Variants in TMX4 observed in about 807,000 individuals in gnomAD.
The protein encoded by TMX4 is thioredoxin related transmembrane protein 4.
Under a neutral mutation model 33.3 loss-of-function variants are expected in TMX4, and 23 were observed. The observed-to-expected ratio is 0.69, with a 90% confidence interval of 0.50 to 0.98. TMX4 has a LOEUF of 0.98. Among genes scored for constraint, TMX4 ranks in the 50% least tolerant of loss-of-function variants. The pLI, the probability that TMX4 is intolerant of heterozygous loss-of-function variation, is 0.00. For synonymous variants in TMX4, 164 were observed against 161.5 expected (o/e 1.02, Z -0.12); for missense variants, 399 against 448.9 (o/e 0.89, Z 1.01).
intron 5 of TMX4, among the ~76,000 whole-genome samples, chr20:7,988,834 C>A (rs2050641428): frequency 6.6e-6 from 1 of 152,062 alleles, no homozygotes; most frequent in African/African-American, 2.4e-5. Context: ...ACCAGCCTGA[C>A]CAACATGGTG....
At chr20:7,999,516 A>C (rs2050693499) in intron 4 of TMX4, among the ~76,000 whole-genome samples, 1 of 152,186 alleles carries the variant, frequency 6.6e-6, no homozygotes, top group Non-Finnish European at 1.5e-5. Context: ...TAACCCACTC[A>C]AATCTGGCTA....
intron 6 of TMX4, among the ~76,000 whole-genome samples, chr20:7,985,367 G>A (rs369954398): frequency 3.3e-5 from 5 of 150,746 alleles, no homozygotes; most frequent in Admixed American, 1.3e-4. Flanking sequence ...TCGAACTCCT[G>A]GGCTCAAGTG....
chr20:8,010,657 C>T (rs1363317757), intron 1 of TMX4, among the ~76,000 whole-genome samples: 1 of 152,086 alleles, frequency 6.6e-6, no homozygotes, highest in Non-Finnish European at 1.5e-5. Flanking sequence ...TAGTGCCCCA[C>T]TAAAGGAGAA....
rs369003323 is a variant in TMX4, at chr20:7,999,892, T to C, written c.339-32A>G. The C allele has an allele frequency of 2.5e-5, 39 of 1,591,822 alleles. No homozygotes were observed. In the African/African-American group the frequency reaches 4.8e-4, roughly 20 times the overall value. ...ATTATGAAAACAAGTAGAAAGCAAATGCATTAAAATAACGATGTTACAGAT... is the reference window on the plus strand; with the variant it reads ...ATTATGAAAACAAGTAGAAAGCAAACGCATTAAAATAACGATGTTACAGAT... On this transcript the variant is annotated intron_variant, in intron 3 of 7. Coordinates refer to ENST00000246024, the MANE Select transcript of TMX4 (RefSeq NM_021156.4).
intron 1 of TMX4, chr20:8,013,623 G>C (rs2050761621): frequency 6.6e-6 from 1 of 152,120 alleles, no homozygotes; most frequent in South Asian, 2.1e-4. Flanking sequence ...GATGGAACGA[G>C]GTTGAAGGAC....
At chr20:7,984,220 C>T (rs2050620934) in intron 6 of TMX4, among the ~76,000 whole-genome samples, 2 of 152,220 alleles carry the variant, frequency 1.3e-5, no homozygotes, top group Admixed American at 6.5e-5. Context: ...CGGGTAACCC[C>T]TGATTGAATG....
chr20:8,018,461 AG>A (rs1568541202), intron 1 of TMX4, among the ~76,000 whole-genome samples: 1 of 17,074 alleles, frequency 5.9e-5, no homozygotes, highest in African/African-American at 4.1e-4. Context: ...GGAGGGAGGG[AG>A]GGAGGGAGGG....
At chr20:8,008,773 G>T (rs1454226087) in intron 2 of TMX4, among the ~76,000 whole-genome samples, 1 of 152,164 alleles carries the variant, frequency 6.6e-6, no homozygotes, top group Non-Finnish European at 1.5e-5. Flanking sequence ...AAATGCATCT[G>T]CAATGATTTA....
chr20:7,998,702 C>T (rs982922218), intron 4 of TMX4, among the ~76,000 whole-genome samples: 4 of 152,182 alleles, frequency 2.6e-5, no homozygotes, highest in African/African-American at 9.7e-5. Context: ...CAAACTGGGG[C>T]TTATGCATAT....
intron 6 of TMX4, 78 bp from the exon 7 acceptor site, chr20:7,983,935 C>T: frequency 9.7e-7 from 1 of 1,035,774 alleles, no homozygotes; most frequent in Non-Finnish European, 1.5e-6. Context: ...GGCCTTGCTT[C>T]TATAATCAGA....
At chr20:8,012,317 G>A (rs774728199) in intron 1 of TMX4, among the ~76,000 whole-genome samples, 3 of 152,074 alleles carry the variant, frequency 2.0e-5, no homozygotes, top group Non-Finnish European at 2.9e-5. Flanking sequence ...GATGAAATAC[G>A]AAGCAGGCAC....
At chr20:8,005,868 C>A (rs1490630624) in intron 2 of TMX4, among the ~76,000 whole-genome samples, 1 of 152,158 alleles carries the variant, frequency 6.6e-6, no homozygotes, top group African/African-American at 2.4e-5. Context: ...CCACTCCATC[C>A]CCGTTCTGGC....
chr20:8,001,083 T>G (rs2122868354), intron 3 of TMX4, among the ~76,000 whole-genome samples: 1 of 152,280 alleles, frequency 6.6e-6, no homozygotes, highest in East Asian at 1.9e-4. Flanking sequence ...GCCTCATCAC[T>G]CAGCATGATC....
chr20:8,000,194 AT>A (rs1347553263), intron 3 of TMX4, among the ~76,000 whole-genome samples: 1 of 152,166 alleles, frequency 6.6e-6, no homozygotes, highest in Non-Finnish European at 1.5e-5. Flanking sequence ...AGCCATTGTT[AT>A]CAAGTTTAAA....
chr20:8,001,531 G>T lies in TMX4; in HGVS notation c.303C>A (p.Gly101=). 3 of 1,600,224 alleles carry T rather than the reference G, an allele frequency of 1.9e-6. No homozygotes were observed. The highest frequency in any genetic ancestry group is 2.6e-6 in the Non-Finnish European group (3 of 1,171,626). Reference sequence around the variant, plus strand: ...CTGGGAGAGTGGTGACAAAGAAGCGGCCACTCAAACCTACAAGAAGCATAA... The same window carrying T: ...CTGGGAGAGTGGTGACAAAGAAGCGTCCACTCAAACCTACAAGAAGCATAA... ...VDVIQEPGLS[G]RFFVTTLPAF... The change falls in exon 3 of 8, where the codon GGC becomes GGA. Residue 101 remains glycine (G), a synonymous_variant. Transcript: ENST00000246024.
At chr20:8,012,729 CTAGAT>C (rs1331307882) in intron 1 of TMX4, among the ~76,000 whole-genome samples, 1 of 152,162 alleles carries the variant, frequency 6.6e-6, no homozygotes, top group Non-Finnish European at 1.5e-5. Flanking sequence ...GACTTAATCT[CTAGAT>C]AGGCTATTAC....
intron 5 of TMX4, 138 bp from the exon 6 acceptor site, chr20:7,987,527 G>C (rs2050636192): frequency 1.8e-6 from 1 of 547,904 alleles, no homozygotes; most frequent in Non-Finnish European, 3.1e-6. Context: ...TAAAGAACAA[G>C]TCAATTTTAT....
chr20:7,992,473 A>G (rs1377994405), intron 5 of TMX4, among the ~76,000 whole-genome samples: 1 of 152,226 alleles, frequency 6.6e-6, no homozygotes, highest in Non-Finnish European at 1.5e-5. Flanking sequence ...GGTATGAATG[A>G]CATATCGAGG....
In TMX4 at chr20:7,982,480, T is replaced by A. The variant is rs773749422; in HGVS notation, c.821A>T (p.Asp274Val). 3.1e-6 allele frequency: 5 copies of A among 1,614,050 alleles called. No individual in the cohort carries two copies. Among genetic ancestry groups the A allele is most frequent in the East Asian group, 2.2e-5 (1 of 44,852 alleles). The part of the protein sequence containing the change: ...EEEKEDLGDE[D>V]EAEEEEEEDN... ...CTCCTCCTCTTCTTCCTCTGCTTCA[T>A]CCTCATCGCCAAGATCTTCTTTCTC... The change falls in exon 8 of 8, where the codon GAT becomes GTT. Residue 274 changes from aspartate (D) to valine (V), a missense_variant. Coordinates refer to ENST00000246024, the MANE Select transcript of TMX4 (RefSeq NM_021156.4).
Sources: gnomAD v4.1 joint callset for allele counts (sites outside exome capture counted in the v4.1 genomes callset) on GRCh38, gnomAD v4.1.1 for gene constraint, MANE v1.5 for transcripts, NCBI Gene and HGNC (gene_info 2026-07-23, HGNC 2026-07-21) for gene names.